The following ATG4C variants were observed in gnomAD, a reference collection of about 807,000 sequenced individuals.
ATG4C encodes cysteine protease ATG4C.
A neutral mutation model predicts 57.6 loss-of-function variants in ATG4C; 56 were observed. The ratio of observed to expected loss-of-function variants is 0.97; its 90% CI spans 0.78 to 1.21. ATG4C has a LOEUF of 1.21. Ranked by LOEUF, ATG4C falls within the 50% of genes most tolerant of loss-of-function variation. The pLI is 0.00. For missense variants in ATG4C, 595 were observed against 529.8 expected (o/e 1.12, Z -1.21); for synonymous variants, 157 against 174.1 (o/e 0.90, Z 0.78).
At position 62,843,457 on chromosome 1, in the gene ATG4C, C is replaced by T. The variant is rs72669584; in HGVS notation, c.1209+1910C>T. On this transcript the variant is annotated intron_variant, in intron 10 of 10. Transcript: ENST00000317868. The stretch of plus-strand genomic sequence containing the variant: ...GGAAGGTTATAAGTTAAGCACTTGC[C>T]TTTTTTTCTTAAAAACTGAATTTGG... 7.4e-3 allele frequency among the ~76,000 whole-genome samples: 1,131 copies of T among 152,122 alleles called. 5 individuals are homozygous for T. Among genetic ancestry groups the T allele is most frequent in the Middle Eastern group, 0.017 (5 of 292 alleles).
intron 7 of ATG4C, among the ~76,000 whole-genome samples, chr1:62,830,868 C>T (rs1250207555): frequency 6.6e-6 from 1 of 151,960 alleles, no homozygotes; most frequent in Non-Finnish European, 1.5e-5. Flanking sequence ...ATTTGTTAAC[C>T]CTAATTTGTA....
intron 5 of ATG4C, among the ~76,000 whole-genome samples, chr1:62,820,859 T>C (rs1665459191): frequency 6.6e-6 from 1 of 152,024 alleles, no homozygotes; most frequent in Non-Finnish European, 1.5e-5. Context: ...AAATCCTTCT[T>C]TTTGGAGGGA....
At chr1:62,839,433 C>A (rs1666100252) in intron 9 of ATG4C, among the ~76,000 whole-genome samples, 1 of 152,152 alleles carries the variant, frequency 6.6e-6, no homozygotes, top group Non-Finnish European at 1.5e-5. Flanking sequence ...TATTATTAGA[C>A]CATGTACAAG....
chr1:62,793,677 T>C (rs1251333960), intron 1 of ATG4C, among the ~76,000 whole-genome samples: 1 of 139,894 alleles, frequency 7.1e-6, no homozygotes, highest in Non-Finnish European at 1.6e-5. Flanking sequence ...ACAAAAAAAG[T>C]ATTAGTTATT....
At chr1:62,796,095 T>G (rs911656916) in intron 1 of ATG4C, among the ~76,000 whole-genome samples, 11 of 151,808 alleles carry the variant, frequency 7.2e-5, no homozygotes, top group Non-Finnish European at 1.6e-4. Context: ...ACAAAATTCC[T>G]AATTTTATAA....
chr1:62,789,667 A>T (rs1664204506), intron 1 of ATG4C, among the ~76,000 whole-genome samples: 1 of 150,260 alleles, frequency 6.7e-6, no homozygotes, highest in Non-Finnish European at 1.5e-5. Flanking sequence ...AAAAAAACAA[A>T]TGAGCCGGGC....
At chr1:62,844,572 T>C (rs1289778751) in intron 10 of ATG4C, among the ~76,000 whole-genome samples, 1 of 152,112 alleles carries the variant, frequency 6.6e-6, no homozygotes, top group African/African-American at 2.4e-5. Context: ...ATGTTGATTT[T>C]GTTAAATTAA....
In ATG4C at chr1:62,841,418, A is replaced by G; in HGVS notation, c.1090-10A>G. On this transcript the variant is annotated splice_polypyrimidine_tract_variant and intron_variant, in intron 9 of 10. Coordinates refer to ENST00000317868, the MANE Select transcript of ATG4C (RefSeq NM_032852.4). ...GATAAATTAATCCTAAAGAACTTTA[A>G]AAATTACAGACATTCCACTGCCCTT... 2 of 1,595,892 alleles carry G rather than the reference A, an allele frequency of 1.3e-6. No homozygotes were observed. Among genetic ancestry groups the G allele is most frequent in the Non-Finnish European group, 1.7e-6 (2 of 1,171,592 alleles).
At chr1:62,825,938 C>T (rs534070674) in intron 6 of ATG4C, among the ~76,000 whole-genome samples, 11 of 151,840 alleles carry the variant, frequency 7.2e-5, no homozygotes, top group African/African-American at 2.2e-4. Flanking sequence ...GATGGAATCT[C>T]GCTCTGTTGT....
At position 62,804,284 on chromosome 1, in the gene ATG4C, G is replaced by T. The variant is rs560377827; in HGVS notation, c.76+422G>T. Among the ~76,000 whole-genome samples the T allele has an allele frequency of 7.2e-5, 11 of 151,944 alleles. No individual in the cohort carries two copies. In the South Asian group the frequency reaches 2.1e-3, roughly 29 times the overall value. ...TTTTTGTATTTTTAGTAGAGATTGG[G>T]TTTCACCATGTTGGTCAGGCTGGTC... On this transcript the variant is annotated intron_variant, in intron 2 of 10. Coordinates refer to ENST00000317868, the MANE Select transcript of ATG4C (RefSeq NM_032852.4).
intron 1 of ATG4C, among the ~76,000 whole-genome samples, chr1:62,802,068 TTCTCCCTCTAACC>T (rs1204132887): frequency 6.6e-6 from 1 of 151,314 alleles, no homozygotes; most frequent in Non-Finnish European, 1.5e-5. Flanking sequence ...ATTCATAATC[TTCTCCCTCTAACC>T]TCTCCCTCTC....
At chr1:62,818,892 G>T in intron 4 of ATG4C, 113 bp from the exon 5 acceptor site, 2 of 817,382 alleles carry the variant, frequency 2.4e-6, no homozygotes, top group Non-Finnish European at 1.8e-6. Context: ...ACCTATTTTT[G>T]AATTTACTGT....
chr1:62,840,648 A>G (rs1381159909), intron 9 of ATG4C, among the ~76,000 whole-genome samples: 1 of 152,182 alleles, frequency 6.6e-6, no homozygotes, highest in Non-Finnish European at 1.5e-5. Flanking sequence ...CCCTTTTTCT[A>G]CTTTTGTATT....
chr1:62,809,374 C>T (rs1226144920), intron 3 of ATG4C, among the ~76,000 whole-genome samples: 1 of 147,172 alleles, frequency 6.8e-6, no homozygotes, highest in East Asian at 2.0e-4. Context: ...AATATATGTA[C>T]ATTATAGTAA....
chr1:62,821,078 A>G, intron 5 of ATG4C, 61 bp from the exon 6 acceptor site: 1 of 1,336,818 alleles, frequency 7.5e-7, no homozygotes, highest in Non-Finnish European at 1.0e-6. Flanking sequence ...CTTAAATTAA[A>G]TATTTAGTTG....
intron 3 of ATG4C, among the ~76,000 whole-genome samples, chr1:62,810,701 T>C (rs533445370): frequency 9.0e-4 from 131 of 146,350 alleles, no homozygotes; most frequent in African/African-American, 2.9e-3. Flanking sequence ...CAATTTCCCA[T>C]TGAGTCCTTG....
At chr1:62,793,398 G>A (rs1471407892) in intron 1 of ATG4C, among the ~76,000 whole-genome samples, 3 of 150,466 alleles carry the variant, frequency 2.0e-5, no homozygotes, top group Admixed American at 6.6e-5. Context: ...GATCACTTGA[G>A]GTCAGGAGTT....
At chr1:62,852,513 G>T (rs1186818192) in intron 10 of ATG4C, among the ~76,000 whole-genome samples, 1 of 151,782 alleles carries the variant, frequency 6.6e-6, no homozygotes, top group African/African-American at 2.4e-5. Context: ...AGTACTTGAG[G>T]ATTTAACTCT....
At chr1:62,809,392 T>A (rs959179885) in intron 3 of ATG4C, among the ~76,000 whole-genome samples, 1 of 148,218 alleles carries the variant, frequency 6.7e-6, no homozygotes. Context: ...TAAATGTATA[T>A]ATGTTTATAT....
Sources: gnomAD v4.1 joint callset for allele counts (sites outside exome capture counted in the v4.1 genomes callset) on GRCh38, gnomAD v4.1.1 for gene constraint, MANE v1.5 for transcripts, NCBI Gene and HGNC (gene_info 2026-07-23, HGNC 2026-07-21) for gene names.